Variants in HMGXB3 observed in about 807,000 individuals in gnomAD.
HMGXB3 encodes HMG-box containing 3.
Under a neutral mutation model 121.5 loss-of-function variants are expected in HMGXB3, and 45 were observed. The observed-to-expected ratio is 0.37, with a 90% CI of 0.29 to 0.47. The LOEUF (loss-of-function observed/expected upper bound fraction) is 0.47, where lower values mean the gene tolerates loss of function less well. Among genes scored for constraint, HMGXB3 ranks in the 20% least tolerant of loss-of-function variants. HMGXB3 has a pLI of 0.99. For synonymous variants in HMGXB3, 590 were observed against 624.1 expected (o/e 0.95, Z 0.81); for missense variants, 1,376 against 1,602.2 (o/e 0.86, Z 2.41).
chr5:150,005,039 T>C, intron 2 of HMGXB3, 50 bp downstream of exon 2: 1 of 1,521,278 alleles, frequency 6.6e-7, no homozygotes, highest in Non-Finnish European at 8.8e-7. Context: ...CAGAAGTTGC[T>C]TGGAGAGCTG....
intron 11 of HMGXB3, 50 bp downstream of exon 11, chr5:150,032,653 A>C (rs1489144906): frequency 6.5e-7 from 1 of 1,539,322 alleles, no homozygotes; most frequent in African/African-American, 1.4e-5. Flanking sequence ...GGGCTCTGTT[A>C]GTGAACCTGT....
rs1756256873 is a variant in HMGXB3, at chr5:150,027,359, A to T, written c.1734+242A>T. Among the ~76,000 whole-genome samples, 4 of 152,268 alleles carry T rather than the reference A, an allele frequency of 2.6e-5. No homozygotes were observed. The South Asian group carries it at 8.3e-4, about 31-fold the overall frequency. ...AGAAAAAAGTCACAAAAATAAAAAT[A>T]GTACAGAGAACACCCATATACTCTT... On this transcript the variant is annotated intron_variant, in intron 9 of 19. Transcript: ENST00000502717.
In HMGXB3 at chr5:150,040,843, A is replaced by G; in HGVS notation, c.2509A>G (p.Ile837Val). The G allele has an allele frequency of 6.4e-7, 1 of 1,551,696 alleles. No individual in the cohort carries two copies. The highest frequency in any genetic ancestry group is 8.7e-7 in the Non-Finnish European group (1 of 1,146,960). ...IKLGEDPRVS[I>V]NVVLKSVQEQ... ...GCTCGGAGAGGACCCCAGAGTGTCC[A>G]TCAATGTTGTTCTGAAGTCGGTGCA... is the stretch of plus-strand genomic sequence containing the variant. Residue 837 changes from isoleucine to valine, a missense_variant, in exon 14 of 20, where the codon ATC becomes GTC. Ile to Val is a conservative substitution (Grantham distance 29, BLOSUM62 3). Coordinates refer to ENST00000502717, the MANE Select transcript of HMGXB3 (RefSeq NM_014983.3).
chr5:150,031,625 C>T (rs1435337192), intron 10 of HMGXB3, among the ~76,000 whole-genome samples: 2 of 152,204 alleles, frequency 1.3e-5, no homozygotes, highest in Admixed American at 6.5e-5. Context: ...TGTCTTTTGG[C>T]AGTTTCTCTA....
intron 6 of HMGXB3, among the ~76,000 whole-genome samples, chr5:150,020,693 G>T (rs1756068827): frequency 6.7e-6 from 1 of 150,346 alleles, no homozygotes; most frequent in South Asian, 2.1e-4. Flanking sequence ...CTGAGTAGCT[G>T]GTACTATAGG....
In HMGXB3 at chr5:150,050,315, G is replaced by A; in HGVS notation, c.3265G>A (p.Ala1089Thr). 6.4e-7 allele frequency: 1 copy of A among 1,551,718 alleles called. No homozygotes were observed. The highest frequency in any genetic ancestry group is 2.4e-5 in the East Asian group (1 of 40,922). Residue 1089 changes from alanine to threonine, a missense_variant, in exon 19 of 20, where the codon GCC (alanine) becomes ACC (threonine). Around this residue, in one of 2 missense-constraint regions of HMGXB3, gnomAD observed 1,116 missense variants for 1,369.0 expected, o/e 0.82. Coordinates refer to ENST00000502717, the MANE Select transcript of HMGXB3 (RefSeq NM_014983.3). ...TGCCCGTGACCATGTGGACCTGCTT[G>A]CCTCTTCCCGCCACTGGCCGCCTGT... ...ESARDHVDLL[A>T]SSRHWPPVYV...
Position 150,024,269 on chromosome 5 carries a change from C to T in HMGXB3, c.1049C>T (p.Pro350Leu). The T allele has an allele frequency of 6.6e-7, 1 of 1,525,942 alleles. No homozygotes were observed. The highest frequency in any genetic ancestry group is 8.8e-7 in the Non-Finnish European group (1 of 1,137,912). 94.5% of individuals were successfully genotyped at this position (1,525,942 alleles called of 1,614,324 possible). The change falls in exon 7 of 20, where the codon CCA (proline) becomes CTA (leucine). Residue 350 changes from proline to leucine, a missense_variant. Pro to Leu is a moderately conservative substitution (Grantham distance 98, BLOSUM62 -3). Coordinates refer to ENST00000502717, the MANE Select transcript of HMGXB3 (RefSeq NM_014983.3). ...GTATTCTTATTTTTCTAGGAAAAGC[C>T]AGCCAAAGTAAAAGTGGAATTGGCT... The part of the protein sequence containing the change: ...LGGKWIPKEK[P>L]AKVKVELASG...
chr5:150,029,346 T>C (rs1429518429), intron 9 of HMGXB3, among the ~76,000 whole-genome samples: 3 of 151,648 alleles, frequency 2.0e-5, no homozygotes, highest in Non-Finnish European at 4.4e-5. Flanking sequence ...TTTTTTTTTT[T>C]CATGTCAAAT....
intron 12 of HMGXB3, 64 bp from the exon 13 acceptor site, chr5:150,037,336 C>G: frequency 1.4e-6 from 2 of 1,430,410 alleles, no homozygotes; most frequent in Non-Finnish European, 1.8e-6. Context: ...TCACTGAGCC[C>G]TGGAACTCCA....
In HMGXB3 at chr5:150,028,479, ATATATATATG is replaced by A. The variant is rs1453591474; in HGVS notation, c.1734+1376_1734+1385del. Reference sequence around the variant, plus strand: ...ATATATGTATATATATGTGTGTTTGATATATATATGTATATATATGTATGTATGTGTGTGT... The same window carrying A: ...ATATATGTATATATATGTGTGTTTGATATATATATGTATGTATGTGTGTGT... On this transcript the variant is annotated intron_variant, in intron 9 of 19. Transcript: ENST00000502717. 2.5e-4 allele frequency among the ~76,000 whole-genome samples: 28 copies of A among 112,746 alleles called. 1 individual carries two copies. Among genetic ancestry groups the A allele is most frequent in the South Asian group, 2.2e-3 (8 of 3,612 alleles). The allele number at this position is 112,746 out of a possible 152,430, so 74.0% of individuals were successfully genotyped here.
intron 1 of HMGXB3, among the ~76,000 whole-genome samples, chr5:150,002,440 A>T (rs1755594960): frequency 6.6e-6 from 1 of 152,172 alleles, no homozygotes; most frequent in African/African-American, 2.4e-5. Flanking sequence ...ATTATACCTT[A>T]TTTGTGGAGT....
At chr5:150,042,530 A>T (rs1179848771) in intron 15 of HMGXB3, among the ~76,000 whole-genome samples, 2 of 152,158 alleles carry the variant, frequency 1.3e-5, no homozygotes, top group Non-Finnish European at 2.9e-5. Flanking sequence ...GAACAGCTCG[A>T]ACAGGGTCTG....
intron 18 of HMGXB3, among the ~76,000 whole-genome samples, chr5:150,049,545 G>A (rs2113764215): frequency 6.6e-6 from 1 of 152,322 alleles, no homozygotes; most frequent in Middle Eastern, 3.4e-3. Flanking sequence ...AGCTGTGTCT[G>A]AAGGAGATGC....
At chr5:150,023,404 A>T (rs181251794) in intron 6 of HMGXB3, among the ~76,000 whole-genome samples, 1 of 152,282 alleles carries the variant, frequency 6.6e-6, no homozygotes, top group Admixed American at 6.5e-5. Context: ...ATACCACATA[A>T]CTAATTAGGA....
chr5:150,050,527 G>T, intron 19 of HMGXB3, 66 bp downstream of exon 19: 1 of 1,287,096 alleles, frequency 7.8e-7, no homozygotes, highest in Non-Finnish European at 1.1e-6. Context: ...TGTCACCCAG[G>T]CTGGAGTGCA....
intron 13 of HMGXB3, among the ~76,000 whole-genome samples, chr5:150,038,912 A>G (rs575654802): frequency 4.8e-4 from 73 of 152,276 alleles, no homozygotes; most frequent in African/African-American, 1.7e-3. Flanking sequence ...ATATTTGTGT[A>G]CCAGCTTTTG....
intron 9 of HMGXB3, chr5:150,030,210 T>A (rs1469690): frequency 0.26 from 39,433 of 152,110 alleles, 8,595 homozygotes; most frequent in African/African-American, 0.59. Context: ...ATGGTGGCTC[T>A]TGCCTGTAAT....
intron 1 of HMGXB3, among the ~76,000 whole-genome samples, chr5:150,001,420 C>A (rs1037474126): frequency 6.6e-6 from 1 of 152,190 alleles, no homozygotes; most frequent in African/African-American, 2.4e-5. Context: ...AGCCCAGAGT[C>A]AAACTGTGGC....
At position 150,051,730 on chromosome 5, in the gene HMGXB3, G is replaced by C; in HGVS notation, c.3417G>C (p.Val1139=). The C allele has an allele frequency of 1.3e-6, 2 of 1,523,518 alleles. No individual in the cohort carries two copies. Among genetic ancestry groups the C allele is most frequent in the Non-Finnish European group, 1.8e-6 (2 of 1,135,364 alleles). 94.4% of individuals were successfully genotyped at this position (1,523,518 alleles called of 1,614,324 possible). ...CATTCTCATTTCTCTTCTAGAGTGT[G>C]TCCTGCCCAGAGCTCTTGGACCAGC... ...FSSPTEPPVS[V]SCPELLDQHY... Residue 1139 remains valine (V), a synonymous_variant, in exon 20 of 20, where the codon GTG becomes GTC. Transcript: ENST00000502717.
Sources: allele counts gnomAD v4.1 joint callset (sites outside exome capture counted in the v4.1 genomes callset), GRCh38; gene constraint gnomAD v4.1.1; regional missense constraint gnomAD v4.1.1; transcripts MANE v1.5; gene names NCBI Gene and HGNC (gene_info 2026-07-23, HGNC 2026-07-21).